UQCC1: variants seen among roughly 807,000 people sequenced by gnomAD.
UQCC1 encodes the protein bFGF-repressed Zic-binding protein.
UQCC1 carries 38 observed loss-of-function variants against 48.0 expected under a neutral mutation model. The observed-to-expected ratio is 0.79, with a 90% CI of 0.61 to 1.04. UQCC1 has a LOEUF of 1.04. UQCC1 is among the 50% of genes least tolerant of loss of function. The pLI, the probability that UQCC1 is intolerant of heterozygous loss-of-function variation, is 0.00. For missense variants in UQCC1, 368 were observed against 381.8 expected (o/e 0.96, Z 0.30); for synonymous variants, 111 against 129.2 (o/e 0.86, Z 0.95).
chr20:35,344,049 G>C (rs1035015564), intron 7 of UQCC1: 1 of 152,172 alleles, frequency 6.6e-6, no homozygotes, highest in Non-Finnish European at 1.5e-5. Flanking sequence ...TTGGATCAGA[G>C]ACTAATAAAG....
chr20:35,366,430 A>C, intron 6 of UQCC1, 127 bp downstream of exon 6: 1 of 747,374 alleles, frequency 1.3e-6, no homozygotes, highest in Non-Finnish European at 2.2e-6. Context: ...ATTAAAATGA[A>C]AGGAACAGTT....
chr20:35,405,189 C>T (rs1340548186), intron 1 of UQCC1, among the ~76,000 whole-genome samples: 1 of 152,118 alleles, frequency 6.6e-6, no homozygotes, highest in African/African-American at 2.4e-5. Context: ...TCACTGCTTC[C>T]AGGCAGTGAG....
chr20:35,393,907 G>GTATTT (rs2146514317), intron 2 of UQCC1, among the ~76,000 whole-genome samples, 185 bp downstream of exon 2: 1 of 152,226 alleles, frequency 6.6e-6, no homozygotes, highest in South Asian at 2.1e-4. Flanking sequence ...CACTGCTAGG[G>GTATTT]TATTTAGAAG....
chr20:35,332,566 T>C (rs2061268720), intron 7 of UQCC1, among the ~76,000 whole-genome samples: 1 of 152,194 alleles, frequency 6.6e-6, no homozygotes, highest in Non-Finnish European at 1.5e-5. Context: ...TCTGCAGAGC[T>C]CACCTGGTGG....
At chr20:35,405,430 A>G (rs1385136574) in intron 1 of UQCC1, among the ~76,000 whole-genome samples, 1 of 152,242 alleles carries the variant, frequency 6.6e-6, no homozygotes, top group Non-Finnish European at 1.5e-5. Flanking sequence ...TTCAACAACA[A>G]AAAGTTATAA....
intron 7 of UQCC1, chr20:35,345,310 G>A (rs143088290): frequency 6.6e-6 from 1 of 152,288 alleles, no homozygotes; most frequent in Non-Finnish European, 1.5e-5. Context: ...CTTGTGGGCA[G>A]AGCCCTCAAC....
At chr20:35,327,626 G>A (rs1029363338) in intron 7 of UQCC1, among the ~76,000 whole-genome samples, 2 of 152,194 alleles carry the variant, frequency 1.3e-5, no homozygotes, top group African/African-American at 2.4e-5. Flanking sequence ...ATCCCAGGTA[G>A]AAGCCATATG....
rs1036055759 is a variant in UQCC1 at position 35,381,884 on chromosome 20, A to G, written c.333+34T>C. 3.8e-6 allele frequency: 5 copies of G among 1,318,268 alleles called. No individual in the cohort carries two copies. In the Admixed American group the frequency reaches 6.2e-5, roughly 16 times the overall value. 81.7% of individuals were successfully genotyped at this position (1,318,268 alleles called of 1,614,324 possible). ...TTAGGAGCAGAAAGCACAATGCCCAAAAGGAAAAATGAGAAGAACTTAAAG... is the reference window on the plus strand; with the variant it reads ...TTAGGAGCAGAAAGCACAATGCCCAGAAGGAAAAATGAGAAGAACTTAAAG... On this transcript the variant is annotated intron_variant, in intron 4 of 9. Transcript: ENST00000374385.
intron 1 of UQCC1, among the ~76,000 whole-genome samples, chr20:35,407,462 A>G (rs1053105904): frequency 4.0e-5 from 6 of 149,654 alleles, no homozygotes; most frequent in African/African-American, 1.5e-4. Flanking sequence ...AAAAAAAAAT[A>G]AGTTGGACTT....
chr20:35,389,354 G>A (rs2061985769), intron 2 of UQCC1, among the ~76,000 whole-genome samples: 1 of 152,096 alleles, frequency 6.6e-6, no homozygotes, highest in Admixed American at 6.6e-5. Flanking sequence ...CACAAGGTCA[G>A]GAGATGAAGG....
Position 35,384,027 on chromosome 20 carries a change from A to G in UQCC1, c.225+11T>C. The G allele has an allele frequency of 6.2e-7, 1 of 1,608,918 alleles. No homozygotes were observed. The highest frequency in any genetic ancestry group is 1.1e-5 in the South Asian group (1 of 90,984). On this transcript the variant is annotated intron_variant, in intron 3 of 9. Coordinates refer to ENST00000374385, the MANE Select transcript of UQCC1 (RefSeq NM_018244.5). ...CACTCTATAAACACAGAATGCACTG[A>G]TAATTCTCACCTTACGTGTGGTGTG...
intron 7 of UQCC1, among the ~76,000 whole-genome samples, chr20:35,338,884 A>AT (rs1568666124): frequency 3.4e-5 from 2 of 59,238 alleles, no homozygotes; most frequent in Non-Finnish European, 5.7e-5. Flanking sequence ...AAAAAAAAAA[A>AT]AAAAAAAAAT....
intron 7 of UQCC1, chr20:35,345,969 T>G (rs1250955125): frequency 3.3e-5 from 5 of 152,074 alleles, no homozygotes; most frequent in Admixed American, 6.6e-5. Flanking sequence ...ATACACAACA[T>G]AAACAAAAGA....
intron 3 of UQCC1, 124 bp from the exon 4 acceptor site, chr20:35,382,149 C>A: frequency 1.7e-6 from 1 of 575,844 alleles, no homozygotes; most frequent in East Asian, 3.0e-5. Context: ...TCCCCTCACC[C>A]AGGCTAAAGT....
chr20:35,347,372 G>A lies in UQCC1; in HGVS notation c.465-100C>T. The stretch of plus-strand genomic sequence containing the variant: ...TCATCTAAGAGTGAGTTTAGCAAAG[G>A]GCACCAAATCAAACTGGAAGTGAAC... On this transcript the variant is annotated intron_variant, in intron 6 of 9. Transcript: ENST00000374385. 4 of 1,434,106 alleles carry A rather than the reference G, an allele frequency of 2.8e-6. No homozygotes were observed. The South Asian group carries it at 4.8e-5, about 17-fold the overall frequency. The allele number at this position is 1,434,106 out of a possible 1,614,324, so 88.8% of individuals were successfully genotyped here.
chr20:35,403,022 G>A (rs2062190887), intron 1 of UQCC1, among the ~76,000 whole-genome samples: 2 of 151,278 alleles, frequency 1.3e-5, no homozygotes, highest in South Asian at 2.1e-4. Context: ...ACCTGAGATC[G>A]CGCCATTGCA....
intron 2 of UQCC1, among the ~76,000 whole-genome samples, chr20:35,384,836 A>G (rs1261232001): frequency 6.6e-6 from 1 of 151,702 alleles, no homozygotes; most frequent in Non-Finnish European, 1.5e-5. Flanking sequence ...GTGTGGTGGC[A>G]CATGCCTGTA....
At chr20:35,373,004 G>A (rs1455730562) in intron 5 of UQCC1, among the ~76,000 whole-genome samples, 1 of 152,192 alleles carries the variant, frequency 6.6e-6, no homozygotes, top group African/African-American at 2.4e-5. Flanking sequence ...ATACAGTTAG[G>A]TGTATGCTGC....
intron 2 of UQCC1, among the ~76,000 whole-genome samples, chr20:35,388,737 C>T (rs1488882499): frequency 6.6e-6 from 1 of 152,124 alleles, no homozygotes; most frequent in African/African-American, 2.4e-5. Flanking sequence ...ACACTTAATA[C>T]CCAGATCTTG....
Sources: gnomAD v4.1 joint callset for allele counts (sites outside exome capture counted in the v4.1 genomes callset) on GRCh38, gnomAD v4.1.1 for gene constraint, MANE v1.5 for transcripts, NCBI Gene and HGNC (gene_info 2026-07-23, HGNC 2026-07-21) for gene names.